SPECC1: variants seen among roughly 807,000 people sequenced by gnomAD.
SPECC1 encodes cytospin-B.
Under a neutral mutation model 104.1 loss-of-function variants are expected in SPECC1, and 62 were observed. That is an observed-to-expected ratio of 0.60 (90% CI 0.49 to 0.74). The LOEUF is 0.74. Ranked by LOEUF, SPECC1 falls within the 30% of genes least tolerant of loss-of-function variation. SPECC1 has a pLI of 0.00. For missense variants in SPECC1, 1,306 were observed against 1,310.5 expected, an observed-to-expected ratio of 1.00 and a Z score of 0.05; for synonymous variants, 513 against 501.6, an observed-to-expected ratio of 1.02 and a Z score of -0.30.
chr17:20,314,016 A>G lies in SPECC1; in HGVS notation c.3158A>G (p.Gln1053Arg), dbSNP rs147331469. The change falls in exon 15 of 15, where the codon CAG becomes CGG. Residue 1053 changes from glutamine to arginine, a missense_variant. Coordinates refer to ENST00000395527, the MANE Select transcript of SPECC1 (RefSeq NM_001243439.2). ...CTGTACACAGACCGGCCCGACTGGC[A>G]GAGTGTGATGCAGTACGTGGCCCAA... ...EMLYTDRPDWQSVMQYVAQIY... is the reference protein window; with the variant it reads ...EMLYTDRPDWRSVMQYVAQIY... 1 of 1,614,158 alleles carries G rather than the reference A, an allele frequency of 6.2e-7. No individual in the cohort carries two copies. The highest frequency in any genetic ancestry group is 1.3e-5 in the African/African-American group (1 of 75,046).
chr17:20,136,062 T>C (rs915937916), intron 3 of SPECC1, among the ~76,000 whole-genome samples: 2 of 152,150 alleles, frequency 1.3e-5, no homozygotes, highest in Non-Finnish European at 2.9e-5. Context: ...CTACACACCC[T>C]GCTGTAGAAA....
chr17:20,019,994 C>T (rs932681203), intron 1 of SPECC1, among the ~76,000 whole-genome samples: 7 of 152,204 alleles, frequency 4.6e-5, no homozygotes, highest in African/African-American at 1.7e-4. Context: ...CCATGTCTCC[C>T]TGCAGGGTGA....
intron 3 of SPECC1, among the ~76,000 whole-genome samples, chr17:20,147,746 A>G (rs2152564742): frequency 6.6e-6 from 1 of 152,374 alleles, no homozygotes; most frequent in East Asian, 1.9e-4. Flanking sequence ...ATTATTTAAA[A>G]ATGATAGAGA....
At chr17:20,201,135 G>T (rs1422197445) in intron 3 of SPECC1, among the ~76,000 whole-genome samples, 9 of 151,940 alleles carry the variant, frequency 5.9e-5, no homozygotes, top group Non-Finnish European at 2.9e-5. Context: ...AATTTTTCCA[G>T]CTTCAAAACC....
chr17:20,014,858 G>T (rs1254271487), intron 1 of SPECC1, among the ~76,000 whole-genome samples: 1 of 152,052 alleles, frequency 6.6e-6, no homozygotes, highest in Non-Finnish European at 1.5e-5. Context: ...GGTTTCAAGT[G>T]ATTCTCCTGC....
chr17:20,274,507 CTT>C (rs1162367833), intron 12 of SPECC1, among the ~76,000 whole-genome samples: 4 of 131,448 alleles, frequency 3.0e-5, no homozygotes, highest in Non-Finnish European at 6.6e-5. Context: ...TTTCTTTTTT[CTT>C]TTTTTTTTTT....
chr17:20,276,517 A>G (rs1347443978), intron 12 of SPECC1, among the ~76,000 whole-genome samples: 1 of 152,236 alleles, frequency 6.6e-6, no homozygotes, highest in Non-Finnish European at 1.5e-5. Flanking sequence ...CTAACAGGGC[A>G]GCTTAGCCTG....
At chr17:20,179,630 T>C (rs915509351) in intron 3 of SPECC1, among the ~76,000 whole-genome samples, 2 of 152,218 alleles carry the variant, frequency 1.3e-5, no homozygotes, top group Non-Finnish European at 2.9e-5. Context: ...CTTGCCCAGA[T>C]ATAATTCAGC....
rs201931088 is a variant in SPECC1, at chr17:20,280,267, AT to A, written c.2941-16692del. Reference sequence around the variant, plus strand: ...ACAAAATATTTACCACGTGACCGACATTGTCTAAGTGCATCTAATCTTGACC... The same window carrying A: ...ACAAAATATTTACCACGTGACCGACATGTCTAAGTGCATCTAATCTTGACC... On this transcript the variant is annotated intron_variant, in intron 12 of 14. Coordinates refer to ENST00000395527, the MANE Select transcript of SPECC1 (RefSeq NM_001243439.2). 4.7e-3 allele frequency among the ~76,000 whole-genome samples: 709 copies of A among 152,338 alleles called. 5 individuals are homozygous for A. The highest frequency in any genetic ancestry group is 0.016 in the African/African-American group (683 of 41,572).
chr17:20,109,732 G>GA (rs1439066617), intron 2 of SPECC1, among the ~76,000 whole-genome samples: 2 of 152,124 alleles, frequency 1.3e-5, no homozygotes, highest in African/African-American at 4.8e-5. Context: ...CCTATGTCAT[G>GA]AGCCTTTTTT....
intron 1 of SPECC1, among the ~76,000 whole-genome samples, chr17:20,060,395 C>T (rs1041936589): frequency 8.5e-5 from 13 of 152,146 alleles, no homozygotes; most frequent in Admixed American, 8.5e-4. Context: ...GTCTGTAATC[C>T]CAATGCTTTG....
chr17:20,250,691 T>G (rs1215016209), intron 9 of SPECC1, among the ~76,000 whole-genome samples: 1 of 152,194 alleles, frequency 6.6e-6, no homozygotes, highest in Non-Finnish European at 1.5e-5. Context: ...TTACGTAAAT[T>G]CAGAGACTAG....
intron 1 of SPECC1, among the ~76,000 whole-genome samples, chr17:20,093,042 C>T (rs1461390143): frequency 2.0e-5 from 3 of 152,220 alleles, no homozygotes; most frequent in Non-Finnish European, 4.4e-5. Flanking sequence ...TGCTTAACCT[C>T]CCTTGGGGAA....
At chr17:20,050,104 A>C (rs1382879210) in intron 1 of SPECC1, among the ~76,000 whole-genome samples, 1 of 152,194 alleles carries the variant, frequency 6.6e-6, no homozygotes, top group Non-Finnish European at 1.5e-5. Flanking sequence ...GGTGTGAGCC[A>C]CCGCCCCTGG....
intron 3 of SPECC1, among the ~76,000 whole-genome samples, chr17:20,192,200 A>G (rs2035717212): frequency 6.6e-6 from 1 of 152,022 alleles, no homozygotes; most frequent in African/African-American, 2.4e-5. Flanking sequence ...ACCCCTGGAC[A>G]CAGGTGATCC....
chr17:20,080,676 G>A (rs894746360), intron 1 of SPECC1, among the ~76,000 whole-genome samples: 13 of 152,084 alleles, frequency 8.5e-5, no homozygotes, highest in African/African-American at 2.9e-4. Flanking sequence ...GGGCCTCTCC[G>A]GGTCTTACTG....
At chr17:20,095,382 G>A (rs2047596750) in intron 1 of SPECC1, among the ~76,000 whole-genome samples, 2 of 152,192 alleles carry the variant, frequency 1.3e-5, no homozygotes. Flanking sequence ...GCCTTTAAAG[G>A]AGTGTTTCCA....
chr17:20,075,250 C>T (rs2152485346), intron 1 of SPECC1, among the ~76,000 whole-genome samples: 1 of 152,270 alleles, frequency 6.6e-6, no homozygotes, highest in East Asian at 1.9e-4. Context: ...TTTGAGCTCT[C>T]ACTGTACAAC....
chr17:20,055,299 G>A lies in SPECC1; in HGVS notation c.-21-41332G>A, dbSNP rs1037956267. Among the ~76,000 whole-genome samples the A allele has an allele frequency of 4.0e-5, 6 of 151,566 alleles. No individual in the cohort carries two copies. The East Asian group carries it at 1.2e-3, about 29-fold the overall frequency. On this transcript the variant is annotated intron_variant, in intron 1 of 14. Transcript: ENST00000395527. ...TTTAGAGGCTGAATAGTACTCCATG[G>A]TATGTATATACCACATATTGTCTAC... is the stretch of plus-strand genomic sequence containing the variant.
Sources: gnomAD v4.1 joint callset for allele counts (sites outside exome capture counted in the v4.1 genomes callset) on GRCh38, gnomAD v4.1.1 for gene constraint, MANE v1.5 for transcripts, NCBI Gene and HGNC (gene_info 2026-07-23, HGNC 2026-07-21) for gene names.